The following MAP3K20 variants were observed in gnomAD, a reference collection of about 807,000 sequenced individuals.
MAP3K20 encodes the protein HCCS-4.
MAP3K20 carries 40 observed loss-of-function variants against 85.7 expected under a neutral mutation model. The ratio of observed to expected loss-of-function variants is 0.47; its 90% confidence interval spans 0.36 to 0.61. The LOEUF is 0.61. Ranked by LOEUF, MAP3K20 falls within the 20% of genes least tolerant of loss-of-function variation. The probability of loss-of-function intolerance (pLI) is 0.00; values close to 1 mark genes in which losing one functional copy is unlikely to be tolerated. For synonymous variants in MAP3K20, 325 were observed against 327.7 expected (o/e 0.99, Z 0.09); for missense variants, 817 against 961.7 (o/e 0.85, Z 1.99).
At chr2:173,167,073 C>T (rs188020802) in intron 2 of MAP3K20, among the ~76,000 whole-genome samples, 1,938 of 152,042 alleles carry the variant, frequency 0.013, 23 homozygotes, top group Middle Eastern at 0.024. Flanking sequence ...CTACCACGCC[C>T]GGCTAATTTT....
At chr2:173,101,261 A>G (rs1270257509) in intron 2 of MAP3K20, among the ~76,000 whole-genome samples, 1 of 152,202 alleles carries the variant, frequency 6.6e-6, no homozygotes, top group Admixed American at 6.5e-5. Context: ...TTTTATTTGC[A>G]AGCCAAAGCC....
chr2:173,251,227 T>A (rs1477704383), intron 16 of MAP3K20, among the ~76,000 whole-genome samples: 1 of 152,188 alleles, frequency 6.6e-6, no homozygotes, highest in East Asian at 1.9e-4. Context: ...AAAAGTTTAT[T>A]CTGACCTCTG....
chr2:173,133,908 G>A lies in MAP3K20; in HGVS notation c.160-35897G>A, dbSNP rs1014787989. ...TGGGAGGCTGAGGCAGAAGAATGGC[G>A]GGAACCCGGGAGGCGGAGCTTGCAG... is the stretch of plus-strand genomic sequence containing the variant. On this transcript the variant is annotated intron_variant, in intron 2 of 19. Coordinates refer to ENST00000375213, the MANE Select transcript of MAP3K20 (RefSeq NM_016653.3). Among the ~76,000 whole-genome samples, 13 of 151,178 alleles carry A rather than the reference G, an allele frequency of 8.6e-5. No homozygotes were observed. In the East Asian group the frequency reaches 1.6e-3, roughly 18 times the overall value.
At chr2:173,207,107 A>G (rs145527767) in intron 9 of MAP3K20, among the ~76,000 whole-genome samples, 246 of 152,192 alleles carry the variant, frequency 1.6e-3, no homozygotes, top group African/African-American at 5.8e-3. Context: ...GTGGCTTACA[A>G]CAGGTGCTCA....
chr2:173,213,950 TA>T (rs1347329889), intron 10 of MAP3K20, among the ~76,000 whole-genome samples: 3 of 152,164 alleles, frequency 2.0e-5, no homozygotes, highest in Admixed American at 1.3e-4. Context: ...AACTTTTATC[TA>T]GTGTCTGAAA....
chr2:173,240,182 C>T (rs573159118), intron 16 of MAP3K20, among the ~76,000 whole-genome samples: 15 of 152,222 alleles, frequency 9.9e-5, no homozygotes, highest in South Asian at 6.2e-4. Context: ...GGTTAAATAA[C>T]TTGCCCAAGG....
chr2:173,213,316 T>C (rs138366408), intron 10 of MAP3K20, among the ~76,000 whole-genome samples: 473 of 152,294 alleles, frequency 3.1e-3, no homozygotes, highest in Non-Finnish European at 5.0e-3. Context: ...AGGCGTACAG[T>C]TGCCTAAGGG....
At chr2:173,229,606 G>C in intron 11 of MAP3K20, 83 bp from the exon 12 acceptor site, 2 of 1,578,596 alleles carry the variant, frequency 1.3e-6, no homozygotes, top group Non-Finnish European at 1.7e-6. Flanking sequence ...GCTGAGAGCT[G>C]AAAGAGTGAG....
chr2:173,225,904 C>G, intron 11 of MAP3K20: 2 of 958,502 alleles, frequency 2.1e-6, no homozygotes, highest in Non-Finnish European at 2.5e-6. Flanking sequence ...ACTGATTCCA[C>G]AATTAAAAAA....
rs1411004433 is a variant in MAP3K20 at position 173,169,879 on chromosome 2, T to C, written c.234T>C (p.Tyr78=). The part of the protein sequence containing the change: ...FYGVILEPPN[Y]GIVTEYASLG... ...GAGTAATTCTTGAACCTCCCAACTA[T>C]GGCATTGTCACAGGTAAGAATTCAG... The change falls in exon 3 of 20, where the codon TAT becomes TAC. Residue 78 remains tyrosine (Y), a synonymous_variant. Transcript: ENST00000375213. 3 of 1,613,770 alleles carry C rather than the reference T, an allele frequency of 1.9e-6. No individual in the cohort carries two copies. Among genetic ancestry groups the C allele is most frequent in the East Asian group, 4.5e-5 (2 of 44,872 alleles).
At chr2:173,126,317 T>C (rs1367292060) in intron 2 of MAP3K20, among the ~76,000 whole-genome samples, 1 of 152,152 alleles carries the variant, frequency 6.6e-6, no homozygotes, top group Non-Finnish European at 1.5e-5. Flanking sequence ...AGTGGTGATA[T>C]TGGGGTAAGG....
At position 173,191,116 on chromosome 2, in the gene MAP3K20, C is replaced by G; in HGVS notation, c.521C>G (p.Ala174Gly). 1 of 1,614,058 alleles carries G rather than the reference C, an allele frequency of 6.2e-7. No homozygotes were observed. The highest frequency in any genetic ancestry group is 8.5e-7 in the Non-Finnish European group (1 of 1,179,948). Reference sequence around the variant, plus strand: ...TTGGTTGGAACTTTCCCATGGATGGCTCCAGAAGTTATCCAGAGTCTCCCT... The same window carrying G: ...TTGGTTGGAACTTTCCCATGGATGGGTCCAGAAGTTATCCAGAGTCTCCCT... ...MSLVGTFPWM[A>G]PEVIQSLPVS... The change falls in exon 7 of 20, where the codon GCT (alanine) becomes GGT (glycine). Residue 174 changes from alanine (A) to glycine (G), a missense_variant. Around this residue, in one of 4 missense-constraint regions of MAP3K20, gnomAD observed 200 missense variants for 302.7 expected, o/e 0.66. Transcript: ENST00000375213.
intron 2 of MAP3K20, among the ~76,000 whole-genome samples, chr2:173,099,335 G>GTT (rs34315902): frequency 0.021 from 2,696 of 131,172 alleles, 76 homozygotes; most frequent in African/African-American, 0.059. Context: ...GTTTTGTTTT[G>GTT]TTTTTTTTTT....
intron 14 of MAP3K20, among the ~76,000 whole-genome samples, 186 bp downstream of exon 14, chr2:173,232,645 A>G (rs1684549504): frequency 4.6e-5 from 7 of 152,190 alleles, no homozygotes. Context: ...CTGGGATTAC[A>G]GAAGCGTGCC....
rs748199104 is a variant in MAP3K20 at position 173,266,093 on chromosome 2, T to C, written c.1746T>C (p.Ile582=). 2.5e-6 allele frequency: 4 copies of C among 1,601,180 alleles called. No homozygotes were observed. In the Admixed American group the frequency reaches 6.9e-5, roughly 28 times the overall value. ...QWLDTLRMRQ[I]ASNTSLQRSQ... The stretch of plus-strand genomic sequence containing the variant: ...TAGATACTCTGAGGATGCGGCAGAT[T>C]GCATCCAACACTTCTTTACAGCGTT... The change falls in exon 20 of 20, where the codon ATT becomes ATC. Residue 582 remains isoleucine (I), a synonymous_variant. Coordinates refer to ENST00000375213, the MANE Select transcript of MAP3K20 (RefSeq NM_016653.3).
At chr2:173,110,187 AAT>A (rs1687902414) in intron 2 of MAP3K20, among the ~76,000 whole-genome samples, 2 of 137,644 alleles carry the variant, frequency 1.5e-5, no homozygotes, top group Non-Finnish European at 3.1e-5. Flanking sequence ...AAATATATAT[AAT>A]ATATGTTATA....
chr2:173,228,230 C>T (rs1281957852), intron 11 of MAP3K20, among the ~76,000 whole-genome samples: 1 of 152,100 alleles, frequency 6.6e-6, no homozygotes, highest in Non-Finnish European at 1.5e-5. Context: ...TGGGTTTTTC[C>T]GCTTGCCTTC....
intron 2 of MAP3K20, among the ~76,000 whole-genome samples, chr2:173,099,925 G>A (rs1471280369): frequency 2.6e-5 from 4 of 152,212 alleles, no homozygotes; most frequent in Non-Finnish European, 5.9e-5. Context: ...GTAGAAGAGT[G>A]CTTGACTCAT....
chr2:173,101,501 A>G (rs1281175020), intron 2 of MAP3K20, among the ~76,000 whole-genome samples: 1 of 152,236 alleles, frequency 6.6e-6, no homozygotes, highest in Non-Finnish European at 1.5e-5. Context: ...TGGAAATATT[A>G]TGCTGAAGTA....
Sources: gnomAD v4.1 joint callset for allele counts (sites outside exome capture counted in the v4.1 genomes callset) on GRCh38, gnomAD v4.1.1 for gene constraint, gnomAD v4.1.1 regional missense constraint, MANE v1.5 for transcripts, NCBI Gene and HGNC (gene_info 2026-07-23, HGNC 2026-07-21) for gene names.